NUBPL: variants seen among roughly 807,000 people sequenced by gnomAD.
The protein encoded by NUBPL is NUBP iron-sulfur cluster assembly factor, mitochondrial.
Under a neutral mutation model 45.7 loss-of-function variants are expected in NUBPL, and 31 were observed. The observed-to-expected ratio is 0.68, with a 90% CI of 0.51 to 0.92. NUBPL has a LOEUF of 0.92. Among genes scored for constraint, NUBPL ranks in the 40% least tolerant of loss-of-function variants. The probability of loss-of-function intolerance (pLI) is 0.00; values close to 1 mark genes in which losing one functional copy is unlikely to be tolerated. For synonymous variants in NUBPL, 144 were observed against 140.9 expected (o/e 1.02, Z -0.15); for missense variants, 401 against 398.7 (o/e 1.01, Z -0.05).
intron 7 of NUBPL, among the ~76,000 whole-genome samples, chr14:31,812,414 A>G (rs1455660495): frequency 6.6e-6 from 1 of 151,870 alleles, no homozygotes; most frequent in South Asian, 2.1e-4. Flanking sequence ...AGTGAACAAG[A>G]CTCCGTGGGC....
At chr14:31,760,990 C>A (rs2038795767) in intron 6 of NUBPL, among the ~76,000 whole-genome samples, 1 of 152,010 alleles carries the variant, frequency 6.6e-6, no homozygotes. Flanking sequence ...AACCACCATA[C>A]CCATCTTACT....
chr14:31,706,826 C>G (rs974857542), intron 6 of NUBPL, among the ~76,000 whole-genome samples: 1 of 152,134 alleles, frequency 6.6e-6, no homozygotes, highest in African/African-American at 2.4e-5. Flanking sequence ...TTTAGTAAAC[C>G]TTACTTTAGT....
intron 7 of NUBPL, among the ~76,000 whole-genome samples, chr14:31,816,251 A>T (rs1056473678): frequency 1.3e-5 from 2 of 152,086 alleles, no homozygotes; most frequent in South Asian, 4.1e-4. Flanking sequence ...TTCCTGATTT[A>T]GTGTTTGGAG....
chr14:31,771,943 G>GGGA, intron 6 of NUBPL: 1 of 916,240 alleles, frequency 1.1e-6, no homozygotes, highest in Non-Finnish European at 1.3e-6. Flanking sequence ...CAGTATGCTA[G>GGGA]TCTAACGCAG....
chr14:31,810,351 G>T (rs7148248), intron 7 of NUBPL, among the ~76,000 whole-genome samples: 24,080 of 152,106 alleles, frequency 0.16, 5,504 homozygotes, highest in African/African-American at 0.51. Context: ...TTGTTGAATT[G>T]TTCCCTTTAC....
intron 10 of NUBPL, among the ~76,000 whole-genome samples, chr14:31,851,961 A>G (rs2040544786): frequency 6.6e-6 from 1 of 152,236 alleles, no homozygotes; most frequent in Admixed American, 6.5e-5. Context: ...ATGTAATATA[A>G]CAGAGAACAT....
intron 4 of NUBPL, among the ~76,000 whole-genome samples, chr14:31,651,621 G>A (rs748264423): frequency 3.2e-4 from 48 of 152,052 alleles, no homozygotes; most frequent in Non-Finnish European, 5.9e-4. Flanking sequence ...ATGTGTGGCC[G>A]GGCGTGGTGG....
chr14:31,638,490 A>G (rs1261081796), intron 4 of NUBPL, among the ~76,000 whole-genome samples: 1 of 151,872 alleles, frequency 6.6e-6, no homozygotes, highest in Non-Finnish European at 1.5e-5. Flanking sequence ...CTTTGTGGGT[A>G]ACCCGACCTT....
intron 6 of NUBPL, among the ~76,000 whole-genome samples, chr14:31,777,700 C>G (rs888949342): frequency 6.6e-6 from 1 of 152,110 alleles, no homozygotes; most frequent in Non-Finnish European, 1.5e-5. Flanking sequence ...TGAAGGTGTC[C>G]CTTTCAGAGA....
chr14:31,708,982 CCT>C (rs2037513003), intron 6 of NUBPL, among the ~76,000 whole-genome samples: 1 of 152,136 alleles, frequency 6.6e-6, no homozygotes, highest in African/African-American at 2.4e-5. Context: ...CATTTTCTGT[CCT>C]CTCTGAACCA....
intron 4 of NUBPL, among the ~76,000 whole-genome samples, chr14:31,672,261 G>A (rs1368181301): frequency 7.8e-6 from 1 of 128,620 alleles, no homozygotes; most frequent in Non-Finnish European, 1.6e-5. Flanking sequence ...GTGTAGGAAG[G>A]ACTGATTAGA....
intron 7 of NUBPL, 76 bp downstream of exon 7, chr14:31,787,949 T>C: frequency 1.1e-6 from 1 of 928,390 alleles, no homozygotes; most frequent in South Asian, 1.4e-5. Context: ...ACAAACTCCA[T>C]GTTAGGCAAA....
chr14:31,594,491 A>G (rs1311777052), intron 3 of NUBPL, among the ~76,000 whole-genome samples: 2 of 152,098 alleles, frequency 1.3e-5, no homozygotes, highest in Non-Finnish European at 2.9e-5. Flanking sequence ...TAAATATTTT[A>G]TCATTTGGGA....
At chr14:31,758,529 A>G (rs2038725595) in intron 6 of NUBPL, among the ~76,000 whole-genome samples, 1 of 152,124 alleles carries the variant, frequency 6.6e-6, no homozygotes, top group Non-Finnish European at 1.5e-5. Context: ...GTCTTGTTTA[A>G]GGCTGTTTTT....
intron 7 of NUBPL, among the ~76,000 whole-genome samples, chr14:31,811,762 A>G (rs2039809959): frequency 6.6e-6 from 1 of 151,926 alleles, no homozygotes. Flanking sequence ...GGTTTTATCT[A>G]CCTTTGGTCT....
At chr14:31,741,268 G>T (rs1214175331) in intron 6 of NUBPL, among the ~76,000 whole-genome samples, 2 of 152,192 alleles carry the variant, frequency 1.3e-5, no homozygotes, top group East Asian at 3.9e-4. Context: ...GGAATATTCT[G>T]TAGTCCTATG....
At chr14:31,678,116 T>C (rs576676519) in intron 6 of NUBPL, among the ~76,000 whole-genome samples, 134 of 152,278 alleles carry the variant, frequency 8.8e-4, no homozygotes, top group African/African-American at 3.1e-3. Context: ...CTTCTAGGCT[T>C]CCACTGATGT....
At chr14:31,601,367 T>C (rs1323636046) in intron 4 of NUBPL, among the ~76,000 whole-genome samples, 7 of 152,222 alleles carry the variant, frequency 4.6e-5, no homozygotes, top group Non-Finnish European at 1.0e-4. Context: ...TTTCATGATA[T>C]TGATTCTTCC....
intron 6 of NUBPL, among the ~76,000 whole-genome samples, chr14:31,676,363 G>A (rs144741307): frequency 1.3e-5 from 2 of 152,162 alleles, no homozygotes; most frequent in Admixed American, 6.5e-5. Flanking sequence ...CTTAGCCTAA[G>A]GCTTTTGAAA....
Sources: allele counts gnomAD v4.1 joint callset (sites outside exome capture counted in the v4.1 genomes callset), GRCh38; gene constraint gnomAD v4.1.1; transcripts MANE v1.5; gene names NCBI Gene and HGNC (gene_info 2026-07-23, HGNC 2026-07-21).